The following CATSPERE variants were observed in gnomAD, a reference collection of about 807,000 sequenced individuals.
The protein encoded by CATSPERE is catsper channel auxiliary subunit epsilon, also known as cation channel sperm-associated auxiliary subunit epsilon.
In CATSPERE, 93 loss-of-function variants were observed where a neutral mutation model predicts 114.1. The ratio of observed to expected loss-of-function variants is 0.81; its 90% CI spans 0.69 to 0.97. The LOEUF (loss-of-function observed/expected upper bound fraction) is 0.97, where lower values mean the gene tolerates loss of function less well. Ranked by LOEUF, CATSPERE falls within the 50% of genes least tolerant of loss-of-function variation. The pLI is 0.00. For synonymous variants in CATSPERE, 341 were observed against 384.1 expected, an observed-to-expected ratio of 0.89 and a Z score of 1.31; for missense variants, 1,058 against 1,131.6, an observed-to-expected ratio of 0.93 and a Z score of 0.93.
At chr1:244,511,259 C>G (rs1185454512) in intron 7 of CATSPERE, among the ~76,000 whole-genome samples, 1 of 152,058 alleles carries the variant, frequency 6.6e-6, no homozygotes, top group Non-Finnish European at 1.5e-5. Context: ...GTCTGTTTTA[C>G]CTACTATAAG....
chr1:244,602,077 G>A (rs1669327094), intron 17 of CATSPERE, among the ~76,000 whole-genome samples: 1 of 152,198 alleles, frequency 6.6e-6, no homozygotes, highest in East Asian at 1.9e-4. Flanking sequence ...GACAAGTGGG[G>A]GATGGGAGAG....
At chr1:244,555,432 A>G (rs771487573) in intron 9 of CATSPERE, among the ~76,000 whole-genome samples, 1 of 152,010 alleles carries the variant, frequency 6.6e-6, no homozygotes, top group Non-Finnish European at 1.5e-5. Flanking sequence ...ATACCTCAAA[A>G]TTATAAAAGC....
chr1:244,548,478 T>G (rs1660107574), intron 8 of CATSPERE, among the ~76,000 whole-genome samples: 2 of 151,880 alleles, frequency 1.3e-5, no homozygotes, highest in East Asian at 3.8e-4. Context: ...ATCATGGAAG[T>G]GCAGTGTTTT....
At chr1:244,625,020 T>C (rs114377387) in intron 20 of CATSPERE, among the ~76,000 whole-genome samples, 1,619 of 152,202 alleles carry the variant, frequency 0.011, 37 homozygotes, top group African/African-American at 0.037. Flanking sequence ...ATCAACTTCT[T>C]CCAAACTCCT....
At chr1:244,617,424 T>TA in intron 19 of CATSPERE, 105 bp from the exon 20 acceptor site, 1 of 837,696 alleles carries the variant, frequency 1.2e-6, no homozygotes, top group South Asian at 2.1e-5. Flanking sequence ...TAGAAGGGAA[T>TA]AGCCATTACA....
intron 17 of CATSPERE, chr1:244,598,300 G>T (rs986867296): frequency 6.6e-6 from 1 of 152,438 alleles, no homozygotes; most frequent in African/African-American, 2.4e-5. Flanking sequence ...TATCAGGGCT[G>T]CCCAACAAAA....
At chr1:244,478,760 G>A (rs542614563) in intron 4 of CATSPERE, among the ~76,000 whole-genome samples, 16 of 152,222 alleles carry the variant, frequency 1.1e-4, no homozygotes, top group African/African-American at 2.9e-4. Flanking sequence ...CATGCCGGGC[G>A]CGGTGGCTCA....
At chr1:244,589,835 T>C (rs975232257) in intron 14 of CATSPERE, among the ~76,000 whole-genome samples, 3 of 152,154 alleles carry the variant, frequency 2.0e-5, no homozygotes, top group Non-Finnish European at 4.4e-5. Flanking sequence ...TCAGAATCAC[T>C]TGGAGAACAT....
At position 244,607,560 on chromosome 1, in the gene CATSPERE, G is replaced by A. The variant is rs1209865337; in HGVS notation, c.2403+1766G>A. 6.6e-6 allele frequency among the ~76,000 whole-genome samples: 1 copy of A among 152,190 alleles called. No homozygotes were observed. Among genetic ancestry groups the A allele is most frequent in the African/African-American group, 2.4e-5 (1 of 41,440 alleles). On this transcript the variant is annotated intron_variant, in intron 18 of 21. Transcript: ENST00000366534. This position sits in a 1 kb window ranked among gnomAD's most constrained non-coding sequence, Gnocchi z 4.4. ...CTGGGGCCATATGACTGGTTCGCAT[G>A]GCTGGAATATGAGCAGAAGTCATAG...
chr1:244,609,149 G>T (rs12752103), intron 18 of CATSPERE, among the ~76,000 whole-genome samples: 1 of 151,800 alleles, frequency 6.6e-6, no homozygotes, highest in African/African-American at 2.4e-5. Flanking sequence ...TTGTACCACT[G>T]CACTCCAGCC....
At chr1:244,628,290 G>A (rs1321353790) in intron 20 of CATSPERE, among the ~76,000 whole-genome samples, 1 of 152,142 alleles carries the variant, frequency 6.6e-6, no homozygotes, top group African/African-American at 2.4e-5. Context: ...TGTGGATAAA[G>A]GGGGACTAGT....
rs56746061 is a variant in CATSPERE at position 244,528,785 on chromosome 1, C to CCACACACACACACACACACACA, written c.536+10107_536+10128dup. 4.6e-4 allele frequency among the ~76,000 whole-genome samples: 60 copies of CCACACACACACACACACACACA among 130,580 alleles called. 2 individuals carry two copies. Among genetic ancestry groups the CCACACACACACACACACACACA allele is most frequent in the African/African-American group, 1.4e-3 (46 of 33,910 alleles). 85.7% of individuals were successfully genotyped at this position (130,580 alleles called of 152,430 possible). ...TACTCTCCCCCACAACAATCCCCCA[C>CCACACACACACACACACACACA]CACACACACACACACACACACACAC... On this transcript the variant is annotated intron_variant, in intron 8 of 21. Coordinates refer to ENST00000366534, the MANE Select transcript of CATSPERE (RefSeq NM_001130957.2).
rs113037521 is a variant in CATSPERE at position 244,537,718 on chromosome 1, C to T, written c.537-14604C>T. Among the ~76,000 whole-genome samples the T allele has an allele frequency of 4.3e-3, 660 of 152,098 alleles. 8 individuals are homozygous for T. The highest frequency in any genetic ancestry group is 0.015 in the African/African-American group (631 of 41,502). ...AATTACATTGTGGTTTGAGACCATACTTTGTATGATTTCTATTCTTTTAAA... is the reference window on the plus strand; with the variant it reads ...AATTACATTGTGGTTTGAGACCATATTTTGTATGATTTCTATTCTTTTAAA... On this transcript the variant is annotated intron_variant, in intron 8 of 21. Coordinates refer to ENST00000366534, the MANE Select transcript of CATSPERE (RefSeq NM_001130957.2).
chr1:244,582,322 A>G (rs751785339), intron 12 of CATSPERE, among the ~76,000 whole-genome samples: 8 of 152,146 alleles, frequency 5.3e-5, no homozygotes, highest in Non-Finnish European at 7.4e-5. Context: ...AGGCATTCCT[A>G]TGGCTATCAT....
chr1:244,560,803 C>T lies in CATSPERE; in HGVS notation c.1165C>T (p.Leu389=). The T allele has an allele frequency of 6.2e-7, 1 of 1,614,050 alleles. No individual in the cohort carries two copies. ...NILSLSVTAT[L]TIDRVEYTGH... is the part of the protein sequence containing the mutation. ...CCTAAGTCTATCGGTGACTGCTACT[C>T]TGACCATAGACAGGGTTGAGTATAC... Residue 389 remains leucine (L), a synonymous_variant, in exon 10 of 22, where the codon CTG becomes TTG. Transcript: ENST00000366534.
chr1:244,459,270 G>T (rs113930575), upstream of CATSPERE, among the ~76,000 whole-genome samples: 1 of 151,992 alleles, frequency 6.6e-6, no homozygotes, highest in East Asian at 1.9e-4. Context: ...GTAAAGATGG[G>T]GTTTCACCTT....
At chr1:244,538,759 A>T (rs1680744275) in intron 8 of CATSPERE, among the ~76,000 whole-genome samples, 3 of 152,036 alleles carry the variant, frequency 2.0e-5, no homozygotes, top group Non-Finnish European at 4.4e-5. Context: ...GCATTCTGGG[A>T]CCCTTCACAG....
upstream of CATSPERE, chr1:244,457,528 C>T (rs190992977): frequency 2.2e-4 from 33 of 152,252 alleles, no homozygotes; most frequent in African/African-American, 7.9e-4. Context: ...GAGACAGATT[C>T]AGTTGGCCTC....
intron 8 of CATSPERE, among the ~76,000 whole-genome samples, 194 bp from the exon 9 acceptor site, chr1:244,552,128 G>A (rs1466749735): frequency 7.0e-6 from 1 of 142,818 alleles, no homozygotes; most frequent in East Asian, 2.1e-4. Context: ...ACAGCTGCAA[G>A]AGTCAAGATT....
Sources: allele counts gnomAD v4.1 joint callset (sites outside exome capture counted in the v4.1 genomes callset), GRCh38; gene constraint gnomAD v4.1.1; non-coding constraint Gnocchi (gnomAD v3.1); transcripts MANE v1.5; gene names NCBI Gene and HGNC (gene_info 2026-07-23, HGNC 2026-07-21).